TENM4: variants seen among roughly 807,000 people sequenced by gnomAD.
TENM4 encodes teneurin transmembrane protein 4.
Under a neutral mutation model 243.3 loss-of-function variants are expected in TENM4, and 82 were observed. The observed-to-expected ratio is 0.34, with a 90% CI of 0.28 to 0.40. The LOEUF (loss-of-function observed/expected upper bound fraction) is 0.40, where lower values mean the gene tolerates loss of function less well. Among genes scored for constraint, TENM4 ranks in the 10% least tolerant of loss-of-function variants. TENM4 has a pLI of 1.00. For missense variants in TENM4, 3,138 were observed against 3,673.3 expected, an observed-to-expected ratio of 0.85 and a Z score of 3.77; for synonymous variants, 1,412 against 1,456.3, an observed-to-expected ratio of 0.97 and a Z score of 0.69.
chr11:79,231,132 G>T (rs117113626), intron 2 of TENM4, among the ~76,000 whole-genome samples: 4,551 of 152,268 alleles, frequency 0.03, 87 homozygotes, highest in Non-Finnish European at 0.05. Context: ...AAGTAAAAGG[G>T]ACATGGAACT....
At chr11:79,267,691 G>C (rs1480158261) in intron 2 of TENM4, among the ~76,000 whole-genome samples, 4 of 152,166 alleles carry the variant, frequency 2.6e-5, no homozygotes, top group Admixed American at 2.0e-4. Flanking sequence ...AATTATATAA[G>C]GTATGACTAG....
chr11:78,904,233 G>A (rs533453796), intron 6 of TENM4, among the ~76,000 whole-genome samples: 3 of 151,686 alleles, frequency 2.0e-5, no homozygotes, highest in Non-Finnish European at 4.4e-5. Flanking sequence ...GGTGGCGGGC[G>A]CCTGTAGTCC....
At chr11:78,967,136 C>T (rs1400997522) in intron 6 of TENM4, among the ~76,000 whole-genome samples, 2 of 152,130 alleles carry the variant, frequency 1.3e-5, no homozygotes, top group African/African-American at 4.8e-5. Context: ...ATGCTTCAAG[C>T]CTGCATTTGG....
At chr11:78,699,026 T>C (rs1358666005) in intron 28 of TENM4, among the ~76,000 whole-genome samples, 1 of 152,224 alleles carries the variant, frequency 6.6e-6, no homozygotes, top group Non-Finnish European at 1.5e-5. Flanking sequence ...AAAACTTTTG[T>C]CTACTCTTTT....
At chr11:79,270,906 A>G (rs1855957541) in intron 2 of TENM4, among the ~76,000 whole-genome samples, 1 of 152,168 alleles carries the variant, frequency 6.6e-6, no homozygotes. Context: ...AGGTGGGAGA[A>G]CAGCTCCCCT....
intron 1 of TENM4, among the ~76,000 whole-genome samples, chr11:79,314,048 A>C (rs1267612541): frequency 6.6e-6 from 1 of 152,194 alleles, no homozygotes; most frequent in African/African-American, 2.4e-5. Context: ...TCATGTTTGC[A>C]AGTACAGAAT....
chr11:79,245,391 A>G (rs534865661), intron 2 of TENM4, among the ~76,000 whole-genome samples: 1 of 152,228 alleles, frequency 6.6e-6, no homozygotes, highest in Non-Finnish European at 1.5e-5. Flanking sequence ...GCATCAAAAT[A>G]CATTTTTTCA....
At chr11:79,023,440 T>C (rs1858988166) in intron 6 of TENM4, among the ~76,000 whole-genome samples, 1 of 151,838 alleles carries the variant, frequency 6.6e-6, no homozygotes, top group Non-Finnish European at 1.5e-5. Flanking sequence ...TGTGCACCTG[T>C]AATCCCAACT....
intron 4 of TENM4, among the ~76,000 whole-genome samples, chr11:79,088,065 T>C (rs1860854519): frequency 6.6e-6 from 1 of 152,264 alleles, no homozygotes; most frequent in Admixed American, 6.5e-5. Flanking sequence ...CACTTTGTTC[T>C]CTTGATTGTA....
intron 21 of TENM4, among the ~76,000 whole-genome samples, chr11:78,732,061 A>C (rs1855680255): frequency 6.6e-6 from 1 of 152,204 alleles, no homozygotes. Flanking sequence ...AAAGACAGAG[A>C]GAATTTAGTA....
chr11:79,197,344 T>TTTTA (rs1863650735), intron 3 of TENM4, among the ~76,000 whole-genome samples: 29 of 146,426 alleles, frequency 2.0e-4, no homozygotes, highest in Non-Finnish European at 4.4e-5. Flanking sequence ...ACCTGGAAGT[T>TTTTA]TTTTTTTTTA....
At chr11:78,969,156 G>A (rs961024225) in intron 6 of TENM4, among the ~76,000 whole-genome samples, 9 of 152,232 alleles carry the variant, frequency 5.9e-5, no homozygotes, top group Admixed American at 2.0e-4. Context: ...CTCTCCAGCT[G>A]TAGGTCTGTC....
chr11:79,121,518 C>T (rs1392662324), intron 4 of TENM4, among the ~76,000 whole-genome samples: 3 of 152,168 alleles, frequency 2.0e-5, no homozygotes, highest in Non-Finnish European at 4.4e-5. Context: ...CATAAAGGAC[C>T]ATGCGGCGGA....
At chr11:79,435,055 T>C (rs1042846256) in intron 1 of TENM4, among the ~76,000 whole-genome samples, 5 of 152,140 alleles carry the variant, frequency 3.3e-5, no homozygotes, top group Non-Finnish European at 2.9e-5. Context: ...TGCTTTATCA[T>C]TAGATGAAAA....
intron 6 of TENM4, among the ~76,000 whole-genome samples, chr11:78,965,675 C>A (rs1026113040): frequency 5.3e-5 from 8 of 152,204 alleles, no homozygotes; most frequent in Non-Finnish European, 5.9e-5. Context: ...CCCTCCCAGG[C>A]CTCGTCCCTG....
At chr11:78,884,606 C>T (rs898080340) in intron 9 of TENM4, among the ~76,000 whole-genome samples, 4 of 152,174 alleles carry the variant, frequency 2.6e-5, no homozygotes, top group African/African-American at 7.2e-5. Context: ...CTAGAAAATA[C>T]AGAAAATCAT....
At chr11:78,826,955 G>A (rs565992) in intron 12 of TENM4, among the ~76,000 whole-genome samples, 79,961 of 152,000 alleles carry the variant, frequency 0.53, 23,234 homozygotes, top group African/African-American at 0.77. Context: ...AGGCATCCGA[G>A]TATACCACCC....
At chr11:78,750,568 G>A (rs1365508871) in intron 19 of TENM4, among the ~76,000 whole-genome samples, 1 of 152,204 alleles carries the variant, frequency 6.6e-6, no homozygotes, top group East Asian at 1.9e-4. Context: ...CAGCTCTCAT[G>A]GTGTAGGCTC....
In TENM4 at chr11:78,785,062, T is replaced by G. The variant is rs12807794; in HGVS notation, c.2365+1836A>C. On this transcript the variant is annotated intron_variant, in intron 16 of 33. Transcript: ENST00000278550. ...TTTTTTGTTTCTGTTTTTGTTTTTT[T>G]TTTTTGTTTTTGTTTTTTAGATAGG... is the stretch of plus-strand genomic sequence containing the variant. 3.2e-3 allele frequency among the ~76,000 whole-genome samples: 436 copies of G among 136,992 alleles called. 3 individuals carry two copies. Among genetic ancestry groups the G allele is most frequent in the African/African-American group, 0.01 (408 of 39,466 alleles). 89.9% of individuals were successfully genotyped at this position (136,992 alleles called of 152,430 possible).
Sources: gnomAD v4.1 joint callset for allele counts (sites outside exome capture counted in the v4.1 genomes callset) on GRCh38, gnomAD v4.1.1 for gene constraint, MANE v1.5 for transcripts, NCBI Gene and HGNC (gene_info 2026-07-23, HGNC 2026-07-21) for gene names.